Variants in CNTNAP2 observed in about 807,000 individuals in gnomAD.
The protein encoded by CNTNAP2 is contactin associated protein 2.
Under a neutral mutation model 155.2 loss-of-function variants are expected in CNTNAP2, and 98 were observed. The observed-to-expected ratio is 0.63, with a 90% CI of 0.54 to 0.75. CNTNAP2 has a LOEUF of 0.75. CNTNAP2 is among the 30% of genes least tolerant of loss of function. CNTNAP2 has a pLI of 0.00. For missense variants in CNTNAP2, 1,727 were observed against 1,688.1 expected, an observed-to-expected ratio of 1.02 and a Z score of -0.40; for synonymous variants, 651 against 631.2, an observed-to-expected ratio of 1.03 and a Z score of -0.47.
At chr7:146,299,603 T>C (rs1364431025) in intron 1 of CNTNAP2, among the ~76,000 whole-genome samples, 1 of 152,102 alleles carries the variant, frequency 6.6e-6, no homozygotes, top group Admixed American at 6.6e-5. Flanking sequence ...GGTCTCACTT[T>C]GTTGTCCAGG....
At position 146,269,296 on chromosome 7, in the gene CNTNAP2, C is replaced by T. The variant is rs181166547; in HGVS notation, c.97+152323C>T. ...TGGAGGTTGCAGTGAGCTGAGATGGCGCCACTGCATTCCAGCCTGGTGACA... is the reference window on the plus strand; with the variant it reads ...TGGAGGTTGCAGTGAGCTGAGATGGTGCCACTGCATTCCAGCCTGGTGACA... On this transcript the variant is annotated intron_variant, in intron 1 of 23. Coordinates refer to ENST00000361727, the MANE Select transcript of CNTNAP2 (RefSeq NM_014141.6). Among the ~76,000 whole-genome samples the T allele has an allele frequency of 5.7e-3, 869 of 152,132 alleles. 7 individuals carry two copies. The highest frequency in any genetic ancestry group is 0.019 in the African/African-American group (781 of 41,502).
At chr7:147,751,396 T>TTAAAA (rs377258555) in intron 13 of CNTNAP2, among the ~76,000 whole-genome samples, 1 of 144,546 alleles carries the variant, frequency 6.9e-6, no homozygotes, top group African/African-American at 2.5e-5. Flanking sequence ...TGAATTTAGT[T>TTAAAA]AAAAAAAAAA....
intron 10 of CNTNAP2, among the ~76,000 whole-genome samples, chr7:147,454,791 T>C (rs1797892251): frequency 6.6e-6 from 1 of 152,036 alleles, no homozygotes; most frequent in African/African-American, 2.4e-5. Flanking sequence ...GCAGCAGATA[T>C]TCCTGAAAGG....
intron 12 of CNTNAP2, among the ~76,000 whole-genome samples, chr7:147,593,702 C>A (rs868823687): frequency 6.6e-6 from 1 of 152,046 alleles, no homozygotes. Context: ...ACAGGTAATC[C>A]TACTGTTTGA....
chr7:148,248,093 T>C (rs1304630132), intron 20 of CNTNAP2, among the ~76,000 whole-genome samples: 1 of 152,182 alleles, frequency 6.6e-6, no homozygotes, highest in African/African-American at 2.4e-5. Context: ...ATATTTCTAA[T>C]ATCCCAGAAG....
intron 22 of CNTNAP2, among the ~76,000 whole-genome samples, chr7:148,387,112 T>C (rs1799228491): frequency 6.6e-6 from 1 of 152,052 alleles, no homozygotes; most frequent in Non-Finnish European, 1.5e-5. Flanking sequence ...AGCCTCATTT[T>C]TCCAGAAGTC....
chr7:148,098,940 C>T lies in CNTNAP2; in HGVS notation c.2384-19178C>T, dbSNP rs189934940. ...CCAGAATAAAAGGCTCAGGATGACA[C>T]AGCCGCATCAACATCCAGTGTTTAT... is the stretch of plus-strand genomic sequence containing the variant. On this transcript the variant is annotated intron_variant, in intron 15 of 23. Transcript: ENST00000361727. Among the ~76,000 whole-genome samples the T allele has an allele frequency of 3.1e-3, 470 of 152,292 alleles. 1 individual carries two copies. The highest frequency in any genetic ancestry group is 4.7e-3 in the Non-Finnish European group (319 of 68,038).
chr7:147,644,210 A>G (rs975065098), intron 13 of CNTNAP2, among the ~76,000 whole-genome samples: 3 of 152,198 alleles, frequency 2.0e-5, no homozygotes, highest in Non-Finnish European at 2.9e-5. Flanking sequence ...GGTCATCCAA[A>G]TGGATGTCTA....
intron 1 of CNTNAP2, among the ~76,000 whole-genome samples, chr7:146,713,347 A>G (rs1801131643): frequency 6.6e-6 from 1 of 152,114 alleles, no homozygotes; most frequent in Non-Finnish European, 1.5e-5. Context: ...TTTGCACTAA[A>G]TGGTCAATCA....
intron 1 of CNTNAP2, among the ~76,000 whole-genome samples, chr7:146,222,105 C>A (rs899642073): frequency 6.6e-6 from 1 of 152,118 alleles, no homozygotes; most frequent in Admixed American, 6.5e-5. Flanking sequence ...CTTTGAAATA[C>A]CCATTTTTTA....
At chr7:146,317,695 T>G (rs906113999) in intron 1 of CNTNAP2, among the ~76,000 whole-genome samples, 15 of 152,376 alleles carry the variant, frequency 9.8e-5, no homozygotes, top group African/African-American at 2.9e-4. Context: ...GATCAAAGCA[T>G]GCTATGCAAT....
chr7:147,313,518 G>T (rs1231815148), intron 9 of CNTNAP2, among the ~76,000 whole-genome samples: 1 of 149,236 alleles, frequency 6.7e-6, no homozygotes, highest in Non-Finnish European at 1.5e-5. Context: ...ATTAAATAGG[G>T]AATCCTTTCC....
chr7:148,298,468 C>T (rs1797324728), intron 21 of CNTNAP2, among the ~76,000 whole-genome samples: 1 of 152,040 alleles, frequency 6.6e-6, no homozygotes, highest in Non-Finnish European at 1.5e-5. Flanking sequence ...CCATCTTCTC[C>T]TCCCTGCTTT....
chr7:147,130,806 T>A (rs1801337397), intron 7 of CNTNAP2, among the ~76,000 whole-genome samples: 1 of 152,094 alleles, frequency 6.6e-6, no homozygotes, highest in Non-Finnish European at 1.5e-5. Context: ...GGAAGGATCT[T>A]TAATTTTGCT....
intron 1 of CNTNAP2, among the ~76,000 whole-genome samples, chr7:146,395,727 C>T (rs985912094): frequency 6.7e-6 from 1 of 150,252 alleles, no homozygotes; most frequent in African/African-American, 2.4e-5. Context: ...CTAGGAATTC[C>T]ACGTAGGAGC....
intron 12 of CNTNAP2, among the ~76,000 whole-genome samples, chr7:147,566,675 G>A (rs932104533): frequency 5.9e-5 from 9 of 152,084 alleles, no homozygotes; most frequent in African/African-American, 2.2e-4. Flanking sequence ...GAAGTACATG[G>A]AGGAAACTGT....
At chr7:146,339,256 TGTACATACGTGCATGC>T (rs1801332752) in intron 1 of CNTNAP2, among the ~76,000 whole-genome samples, 2 of 152,158 alleles carry the variant, frequency 1.3e-5, no homozygotes, top group Admixed American at 6.5e-5. Context: ...CACATATGCG[TGTACATACGTGCATGC>T]ACACACAGAC....
At chr7:146,802,778 G>T (rs966883805) in intron 2 of CNTNAP2, among the ~76,000 whole-genome samples, 1 of 152,138 alleles carries the variant, frequency 6.6e-6, no homozygotes, top group Non-Finnish European at 1.5e-5. Context: ...GTTTACAGGA[G>T]ATTGAGAACA....
chr7:147,497,087 A>C (rs1322012165), intron 11 of CNTNAP2: 1 of 152,220 alleles, frequency 6.6e-6, no homozygotes, highest in Non-Finnish European at 1.5e-5. Context: ...GTATTCTCTC[A>C]TCTGACTTCT....
Sources: gnomAD v4.1 joint callset for allele counts (sites outside exome capture counted in the v4.1 genomes callset) on GRCh38, gnomAD v4.1.1 for gene constraint, MANE v1.5 for transcripts, NCBI Gene and HGNC (gene_info 2026-07-23, HGNC 2026-07-21) for gene names.